The following STK31 variants were observed in gnomAD, a reference collection of about 807,000 sequenced individuals.
STK31 encodes serine/threonine kinase 31.
A neutral mutation model predicts 129.7 loss-of-function variants in STK31; 89 were observed. That is an observed-to-expected ratio of 0.69 (90% CI 0.58 to 0.82). The LOEUF (loss-of-function observed/expected upper bound fraction) is 0.82, where lower values mean the gene tolerates loss of function less well. Ranked by LOEUF, STK31 falls within the 40% of genes least tolerant of loss-of-function variation. The probability of loss-of-function intolerance (pLI) is 0.00; values close to 1 mark genes in which losing one functional copy is unlikely to be tolerated. For missense variants in STK31, 1,187 were observed against 1,176.4 expected (o/e 1.01, Z -0.13); for synonymous variants, 448 against 395.3 (o/e 1.13, Z -1.58).
At chr7:23,821,535 A>T (rs919599289) in intron 23 of STK31, among the ~76,000 whole-genome samples, 2 of 152,148 alleles carry the variant, frequency 1.3e-5, no homozygotes, top group South Asian at 4.2e-4. Flanking sequence ...AGTTTCTTGT[A>T]TATTCTGGAT....
intron 1 of STK31, chr7:23,710,662 G>A (rs1042804199): frequency 7.9e-6 from 9 of 1,144,700 alleles, no homozygotes; most frequent in African/African-American, 1.6e-5. Context: ...AGAGAGCTAC[G>A]TGTACCCGTT....
At chr7:23,770,814 G>A (rs1330063368) in intron 13 of STK31, among the ~76,000 whole-genome samples, 191 bp from the exon 14 acceptor site, 2 of 152,050 alleles carry the variant, frequency 1.3e-5, no homozygotes, top group African/African-American at 4.8e-5. Context: ...TATGTTGCCT[G>A]GCTGCCATAT....
At chr7:23,785,691 TGTTA>T (rs1455004231) in intron 18 of STK31, 88 bp downstream of exon 18, 20 of 1,491,988 alleles carry the variant, frequency 1.3e-5, no homozygotes, top group East Asian at 2.3e-5. Flanking sequence ...AAAACCTCAC[TGTTA>T]GTTTTCTAAA....
At chr7:23,747,713 A>G (rs949086467) in intron 8 of STK31, among the ~76,000 whole-genome samples, 3 of 152,190 alleles carry the variant, frequency 2.0e-5, no homozygotes, top group South Asian at 2.1e-4. Context: ...ACGTCTTTCA[A>G]AGAATTAGTT....
At chr7:23,821,392 T>C (rs977994160) in intron 23 of STK31, among the ~76,000 whole-genome samples, 3 of 152,208 alleles carry the variant, frequency 2.0e-5, no homozygotes, top group Non-Finnish European at 4.4e-5. Flanking sequence ...ATTGTGGTTT[T>C]GATTTGCATT....
chr7:23,804,361 G>A (rs987512944), intron 22 of STK31, among the ~76,000 whole-genome samples: 2 of 152,026 alleles, frequency 1.3e-5, no homozygotes, highest in Admixed American at 6.6e-5. Context: ...AGCTTTTTGG[G>A]AGTAGCTTAT....
intron 23 of STK31, among the ~76,000 whole-genome samples, chr7:23,830,592 T>TTGTGTGTGTGTGTG (rs3034048): frequency 0.035 from 4,924 of 142,126 alleles, 108 homozygotes; most frequent in Middle Eastern, 0.057. Flanking sequence ...AATTTCCATG[T>TTGTGTGTGTGTGTG]TGTGTGTGTG....
chr7:23,710,147 G>C (rs1184228081), upstream of STK31: 13 of 1,475,736 alleles, frequency 8.8e-6, no homozygotes, highest in Admixed American at 1.0e-4. Context: ...GCAGGCCGTG[G>C]CTGCCACGTG....
intron 22 of STK31, among the ~76,000 whole-genome samples, chr7:23,805,829 G>A (rs922113724): frequency 6.6e-6 from 1 of 152,144 alleles, no homozygotes; most frequent in Non-Finnish European, 1.5e-5. Context: ...TTTATAACAT[G>A]GTGGTAACAT....
chr7:23,797,305 C>T (rs142552953), intron 22 of STK31, among the ~76,000 whole-genome samples: 78 of 152,192 alleles, frequency 5.1e-4, no homozygotes, highest in African/African-American at 1.5e-3. Flanking sequence ...AAATCAACAG[C>T]GTATACATTC....
Position 23,721,799 on chromosome 7 carries a change from T to C in STK31, c.249+4220T>C. ...TCCAGTTCTGCGTTAACTGATCCTC[T>C]ACAGGCATGATCCTCTACATTCATT... On this transcript the variant is annotated intron_variant, in intron 4 of 23. Coordinates refer to ENST00000355870, the MANE Select transcript of STK31 (RefSeq NM_031414.5). 3 of 614,558 alleles carry C rather than the reference T, an allele frequency of 4.9e-6. No individual in the cohort carries two copies. The South Asian group carries it at 5.1e-5, about 10-fold the overall frequency. The allele number at this position is 614,558 out of a possible 1,614,324, so 38.1% of individuals were successfully genotyped here.
Position 23,710,276 on chromosome 7 carries a change from A to C in STK31, c.-10A>C. On this transcript the variant is annotated 5_prime_UTR_variant, in exon 1 of 24. Coordinates refer to ENST00000355870, the MANE Select transcript of STK31 (RefSeq NM_031414.5). The stretch of plus-strand genomic sequence containing the variant: ...GTGTGCTACGGCGGGCGGAGGGCCG[A>C]AAGTCCAGTATGTGGGTCCAGGGTC... 4 of 1,611,018 alleles carry C rather than the reference A, an allele frequency of 2.5e-6. No homozygotes were observed. The highest frequency in any genetic ancestry group is 3.4e-6 in the Non-Finnish European group (4 of 1,179,794).
intron 20 of STK31, among the ~76,000 whole-genome samples, chr7:23,787,741 T>TACACACACAC (rs71888376): frequency 8.2e-5 from 12 of 145,640 alleles, no homozygotes; most frequent in East Asian, 2.1e-4. Flanking sequence ...GGTATGATTG[T>TACACACACAC]ACACACACAC....
chr7:23,796,938 CA>C (rs148242178), intron 22 of STK31, among the ~76,000 whole-genome samples: 60,081 of 147,368 alleles, frequency 0.41, 12,469 homozygotes, highest in East Asian at 0.62. Context: ...TAATGGAAAG[CA>C]AAAAAAAAAG....
rs531877154 is a variant in STK31 at position 23,824,358 on chromosome 7, C to G, written c.2830-7778C>G. ...CTTAGGTATTTTATTCTCTTTGAAG[C>G]AATTGTGAATGGGAGTTCACTGATG... On this transcript the variant is annotated intron_variant, in intron 23 of 23. Transcript: ENST00000355870. 1.2e-4 allele frequency among the ~76,000 whole-genome samples: 19 copies of G among 152,284 alleles called. No individual in the cohort carries two copies. In the East Asian group the frequency reaches 3.5e-3, roughly 28 times the overall value.
chr7:23,740,619 A>G (rs1057054966), intron 8 of STK31, among the ~76,000 whole-genome samples: 3 of 151,802 alleles, frequency 2.0e-5, no homozygotes, highest in East Asian at 1.9e-4. Flanking sequence ...AGCATTAGGT[A>G]TATCTCCTAA....
In STK31 at chr7:23,832,469, A is replaced by G. The variant is rs1188505739; in HGVS notation, c.*103A>G. 1 of 814,642 alleles carries G rather than the reference A, an allele frequency of 1.2e-6. No homozygotes were observed. Among genetic ancestry groups the G allele is most frequent in the African/African-American group, 1.7e-5 (1 of 58,106 alleles). The allele number at this position is 814,642 out of a possible 1,614,324, so 50.5% of individuals were successfully genotyped here. A position where few individuals can be genotyped will look rare whatever the true frequency, so the allele number is the denominator to read the frequency against. On this transcript the variant is annotated 3_prime_UTR_variant, in exon 24 of 24. Coordinates refer to ENST00000355870, the MANE Select transcript of STK31 (RefSeq NM_031414.5). ...CTGGGACTAGTTGAGTTGTATCTTT[A>G]GTATTCAGGTTGTGAAAAATAAAGA...
At chr7:23,803,399 T>C (rs1467706567) in intron 22 of STK31, among the ~76,000 whole-genome samples, 1 of 152,202 alleles carries the variant, frequency 6.6e-6, no homozygotes, top group Admixed American at 6.5e-5. Flanking sequence ...AGTAATAGTT[T>C]GATAGCAAAG....
At chr7:23,802,712 C>T (rs976104739) in intron 22 of STK31, among the ~76,000 whole-genome samples, 1 of 152,158 alleles carries the variant, frequency 6.6e-6, no homozygotes, top group African/African-American at 2.4e-5. Context: ...TGAGGTTTCA[C>T]TATGTTGACC....
Sources: gnomAD v4.1 joint callset for allele counts (sites outside exome capture counted in the v4.1 genomes callset) on GRCh38, gnomAD v4.1.1 for gene constraint, MANE v1.5 for transcripts, NCBI Gene and HGNC (gene_info 2026-07-23, HGNC 2026-07-21) for gene names.